The following ASIC4 variants were observed in gnomAD, a reference collection of about 807,000 sequenced individuals.
ASIC4 encodes acid sensing ion channel subunit family member 4.
A neutral mutation model predicts 53.4 loss-of-function variants in ASIC4; 28 were observed. The ratio of observed to expected loss-of-function variants is 0.52; its 90% CI spans 0.39 to 0.72. The LOEUF (loss-of-function observed/expected upper bound fraction) is 0.72, where lower values mean the gene tolerates loss of function less well. Ranked by LOEUF, ASIC4 falls within the 30% of genes least tolerant of loss-of-function variation. The probability of loss-of-function intolerance (pLI) is 0.00; values close to 1 mark genes in which losing one functional copy is unlikely to be tolerated. For missense variants in ASIC4, 649 were observed against 729.7 expected (o/e 0.89, Z 1.27); for synonymous variants, 289 against 301.4 (o/e 0.96, Z 0.43).
At position 219,517,605 on chromosome 2, in the gene ASIC4, G is replaced by C. The variant is rs1331085886; in HGVS notation, c.582+2299G>C. Among the ~76,000 whole-genome samples the C allele has an allele frequency of 6.6e-6, 1 of 152,200 alleles. No individual in the cohort carries two copies. Among genetic ancestry groups the C allele is most frequent in the East Asian group, 1.9e-4 (1 of 5,202 alleles). ...GGTCTGGAATTACAGATTGGGCTGG[G>C]GGCCCATGATCCATGGTAGTGGGGA... On this transcript the variant is annotated intron_variant, in intron 1 of 9. Transcript: ENST00000358078. The surrounding 1 kb of genome is among the most constrained non-coding windows in gnomAD (Gnocchi z 4.2).
chr2:219,531,979 G>A, intron 2 of ASIC4, 22 bp from the exon 3 acceptor site: 2 of 1,613,956 alleles, frequency 1.2e-6, no homozygotes, highest in East Asian at 2.2e-5. Context: ...GGTTTCCAAA[G>A]GTCCCCATCT....
chr2:219,514,415 C>T (rs940417683), upstream of ASIC4: 15 of 1,549,150 alleles, frequency 9.7e-6, no homozygotes, highest in African/African-American at 4.1e-5. Flanking sequence ...CTCGCTCGCT[C>T]GCAGGGACAC....
In ASIC4 at chr2:219,536,420, A is replaced by T. The variant is rs1184701182; in HGVS notation, c.1230-646A>T. ...GTGCTGGGTTCTGTGGGGACAGATGATTATGACACAAAACTCATGCCACAA... is the reference window on the plus strand; with the variant it reads ...GTGCTGGGTTCTGTGGGGACAGATGTTTATGACACAAAACTCATGCCACAA... On this transcript the variant is annotated intron_variant, in intron 6 of 9. Coordinates refer to ENST00000358078, the MANE Select transcript of ASIC4 (RefSeq NM_018674.6). The surrounding 1 kb of genome is among the most constrained non-coding windows in gnomAD (Gnocchi z 4.6). Among the ~76,000 whole-genome samples the T allele has an allele frequency of 6.6e-6, 1 of 152,146 alleles. No individual in the cohort carries two copies. Among genetic ancestry groups the T allele is most frequent in the African/African-American group, 2.4e-5 (1 of 41,424 alleles).
At chr2:219,534,502 C>T (rs1330318955) in intron 5 of ASIC4, among the ~76,000 whole-genome samples, 5 of 152,306 alleles carry the variant, frequency 3.3e-5, no homozygotes, top group South Asian at 2.1e-4. Context: ...GAAAGCCAGG[C>T]GGGAGAAATA....
chr2:219,526,237 A>G (rs1164702680), intron 1 of ASIC4, among the ~76,000 whole-genome samples: 1 of 151,786 alleles, frequency 6.6e-6, no homozygotes, highest in Non-Finnish European at 1.5e-5. Context: ...GCTCTGGACA[A>G]CTCTCTCCCA....
chr2:219,532,546 C>A, intron 4 of ASIC4, 69 bp downstream of exon 4: 1 of 1,558,058 alleles, frequency 6.4e-7, no homozygotes, highest in Non-Finnish European at 8.7e-7. Context: ...CGGGGCAAGG[C>A]ACTGCTCATG....
upstream of ASIC4, among the ~76,000 whole-genome samples, chr2:219,511,938 G>C (rs1694707056): frequency 6.6e-6 from 1 of 152,052 alleles, no homozygotes; most frequent in Non-Finnish European, 1.5e-5. The surrounding 1 kb of genome is among the most constrained non-coding windows in gnomAD (Gnocchi z 5.3). Flanking sequence ...AGGCAAAGGG[G>C]GTATAGAGAG....
chr2:219,529,766 C>T lies in ASIC4; in HGVS notation c.583-1992C>T, dbSNP rs145009322. Among the ~76,000 whole-genome samples, 133 of 152,232 alleles carry T rather than the reference C, an allele frequency of 8.7e-4. No individual in the cohort carries two copies. In the East Asian group the frequency reaches 0.022, roughly 25 times the overall value. ...CTGAGGGGATGTGTGCAACGGTAGA[C>T]GGCACTGTGTTCTGTAAACTCAGGG... On this transcript the variant is annotated intron_variant, in intron 1 of 9. Coordinates refer to ENST00000358078, the MANE Select transcript of ASIC4 (RefSeq NM_018674.6).
chr2:219,509,329 G>C (rs1259510675), upstream of ASIC4, among the ~76,000 whole-genome samples: 2 of 152,272 alleles, frequency 1.3e-5, no homozygotes, highest in South Asian at 4.1e-4. The surrounding 1 kb of genome is among the most constrained non-coding windows in gnomAD (Gnocchi z 5.2). Context: ...AAACACAAAG[G>C]GGGTGGAAAG....
upstream of ASIC4, among the ~76,000 whole-genome samples, chr2:219,513,929 C>A (rs978578889): frequency 7.2e-5 from 11 of 152,318 alleles, no homozygotes; most frequent in African/African-American, 1.9e-4. Context: ...CCTCTGCCCC[C>A]CTCCCTCCGT....
chr2:219,514,880 T>G lies in ASIC4; in HGVS notation c.156T>G (p.His52Gln). Reference protein sequence around the residue: ...LATFASTSTLHGLGRACGPGP... With the variant: ...LATFASTSTLQGLGRACGPGP... The stretch of plus-strand genomic sequence containing the variant: ...CCTTTGCCAGCACCAGCACCCTGCA[T>G]GGACTGGGCCGGGCCTGTGGCCCAG... The change falls in exon 1 of 10, where the codon CAT becomes CAG. Residue 52 changes from histidine (H) to glutamine (Q), a missense_variant. His to Gln is a conservative substitution (Grantham distance 24). Transcript: ENST00000358078. The G allele has an allele frequency of 3.1e-6, 5 of 1,611,912 alleles. No individual in the cohort carries two copies. The highest frequency in any genetic ancestry group is 4.2e-6 in the Non-Finnish European group (5 of 1,179,818).
In ASIC4 at chr2:219,537,384, G is replaced by T. The variant is rs1559121188; in HGVS notation, c.1401+63G>T. On this transcript the variant is annotated intron_variant, in intron 8 of 9. Coordinates refer to ENST00000358078, the MANE Select transcript of ASIC4 (RefSeq NM_018674.6). This position sits in a 1 kb window ranked among gnomAD's most constrained non-coding sequence, Gnocchi z 4.9. The stretch of plus-strand genomic sequence containing the variant: ...CGTGGGCAAAGCAGAAGGGGGCAGT[G>T]CGGGGTGCCTGGTGGAGCTGGCCTG... 1 of 1,533,352 alleles carries T rather than the reference G, an allele frequency of 6.5e-7. No individual in the cohort carries two copies. Among genetic ancestry groups the T allele is most frequent in the African/African-American group, 1.4e-5 (1 of 73,528 alleles). The allele number at this position is 1,533,352 out of a possible 1,614,324, so 95.0% of individuals were successfully genotyped here.
chr2:219,511,398 C>G (rs112539284), upstream of ASIC4, among the ~76,000 whole-genome samples: 14 of 150,980 alleles, frequency 9.3e-5, no homozygotes, highest in Non-Finnish European at 1.8e-4. This position sits in a 1 kb window ranked among gnomAD's most constrained non-coding sequence, Gnocchi z 5.3. Flanking sequence ...CACTGCCCCC[C>G]CCCCACATTC....
upstream of ASIC4, chr2:219,514,477 C>T (rs948358996): frequency 1.4e-5 from 21 of 1,550,398 alleles, no homozygotes; most frequent in Admixed American, 1.4e-4. Flanking sequence ...CACAAGGAGA[C>T]GATCGAGGAG....
rs1316020124 is a variant in ASIC4, at chr2:219,536,613, T to C, written c.1230-453T>C. ...CAGGACGTGGGGCGGTGGGGTGGTG[T>C]GGCGGGGAGCCTGAGCCATAGGCAG... On this transcript the variant is annotated intron_variant, in intron 6 of 9. Transcript: ENST00000358078. This position sits in a 1 kb window ranked among gnomAD's most constrained non-coding sequence, Gnocchi z 4.6. 1.4e-5 allele frequency among the ~76,000 whole-genome samples: 2 copies of C among 146,562 alleles called. No homozygotes were observed. The highest frequency in any genetic ancestry group is 6.8e-5 in the Admixed American group (1 of 14,810).
intron 4 of ASIC4, 191 bp from the exon 5 acceptor site, chr2:219,532,692 A>G: frequency 1.2e-6 from 1 of 818,932 alleles, no homozygotes; most frequent in Non-Finnish European, 1.9e-6. Context: ...GCATGTTAAT[A>G]TGTATTTGTG....
chr2:219,516,312 G>A lies in ASIC4; in HGVS notation c.582+1006G>A, dbSNP rs1026231900. Among the ~76,000 whole-genome samples the A allele has an allele frequency of 2.0e-5, 3 of 152,090 alleles. No individual in the cohort carries two copies. The highest frequency in any genetic ancestry group is 7.2e-5 in the African/African-American group (3 of 41,412). ...CTATCCCAACCGCTGCTCCCCATTT[G>A]GAGACTGCTGGCGCCATCTGTCACC... On this transcript the variant is annotated intron_variant, in intron 1 of 9. Coordinates refer to ENST00000358078, the MANE Select transcript of ASIC4 (RefSeq NM_018674.6). This position sits in a 1 kb window ranked among gnomAD's most constrained non-coding sequence, Gnocchi z 4.9.
chr2:219,521,378 C>T (rs750894176), intron 1 of ASIC4, among the ~76,000 whole-genome samples: 2 of 152,232 alleles, frequency 1.3e-5, no homozygotes, highest in Non-Finnish European at 2.9e-5. Context: ...GTCCTGTCCC[C>T]CTCTGATCCT....
chr2:219,519,179 T>C (rs895587796), intron 1 of ASIC4, among the ~76,000 whole-genome samples: 1 of 152,214 alleles, frequency 6.6e-6, no homozygotes, highest in East Asian at 1.9e-4. Context: ...GCTGGGTGTA[T>C]TCTTTAAATA....
Sources: allele counts gnomAD v4.1 joint callset (sites outside exome capture counted in the v4.1 genomes callset), GRCh38; gene constraint gnomAD v4.1.1; non-coding constraint Gnocchi (gnomAD v3.1); transcripts MANE v1.5; gene names NCBI Gene and HGNC (gene_info 2026-07-23, HGNC 2026-07-21).